The following MLLT3 variants were observed in gnomAD, a reference collection of about 807,000 sequenced individuals.
MLLT3 encodes MLLT3 super elongation complex subunit, also known as protein AF-9.
A neutral mutation model predicts 53.2 loss-of-function variants in MLLT3; 4 were observed. The ratio of observed to expected loss-of-function variants is 0.08; its 90% CI spans 0.04 to 0.17. The LOEUF is 0.17. Ranked by LOEUF, MLLT3 falls within the 10% of genes least tolerant of loss-of-function variation. MLLT3 has a pLI of 1.00. For missense variants in MLLT3, 569 were observed against 684.0 expected, an observed-to-expected ratio of 0.83 and a Z score of 1.87; for synonymous variants, 283 against 230.6, an observed-to-expected ratio of 1.23 and a Z score of -2.06.
intron 2 of MLLT3, among the ~76,000 whole-genome samples, chr9:20,570,713 T>C (rs757151851): frequency 1.5e-4 from 22 of 150,890 alleles, no homozygotes; most frequent in Non-Finnish European, 7.4e-5. Flanking sequence ...AACTTTCAAA[T>C]TACTTAGAAA....
At chr9:20,353,943 A>G (rs1039849618) in intron 9 of MLLT3, among the ~76,000 whole-genome samples, 7 of 138,598 alleles carry the variant, frequency 5.1e-5, no homozygotes, top group African/African-American at 2.4e-4. Flanking sequence ...CATATTAACA[A>G]AGGCTACTTT....
chr9:20,545,430 A>G (rs1390775800), intron 2 of MLLT3, among the ~76,000 whole-genome samples: 2 of 152,156 alleles, frequency 1.3e-5, no homozygotes, highest in African/African-American at 4.8e-5. Context: ...CCATTGTTAG[A>G]TGGGTACAGA....
At chr9:20,371,831 G>A (rs1000075457) in intron 5 of MLLT3, among the ~76,000 whole-genome samples, 4 of 152,168 alleles carry the variant, frequency 2.6e-5, no homozygotes, top group African/African-American at 9.7e-5. Context: ...GGCTATAGGT[G>A]CCATAGATAG....
intron 2 of MLLT3, among the ~76,000 whole-genome samples, chr9:20,531,150 T>C (rs1224951220): frequency 1.3e-5 from 2 of 151,482 alleles, no homozygotes; most frequent in African/African-American, 4.9e-5. Context: ...TTTTTTTTTT[T>C]TGGAAACATA....
chr9:20,506,655 T>G (rs1245785507), intron 2 of MLLT3, among the ~76,000 whole-genome samples: 1 of 152,178 alleles, frequency 6.6e-6, no homozygotes, highest in Admixed American at 6.5e-5. Flanking sequence ...TTGGCACACA[T>G]AAATAGGTTA....
chr9:20,484,135 G>A (rs1217073435), intron 2 of MLLT3, among the ~76,000 whole-genome samples: 1 of 151,974 alleles, frequency 6.6e-6, no homozygotes, highest in Non-Finnish European at 1.5e-5. Context: ...TTATTTATGG[G>A]CACATGAACA....
At chr9:20,612,987 G>A (rs1820737436) in intron 2 of MLLT3, among the ~76,000 whole-genome samples, 1 of 152,110 alleles carries the variant, frequency 6.6e-6, no homozygotes, top group Non-Finnish European at 1.5e-5. Flanking sequence ...GCACAAAGAT[G>A]CTCACTGCAC....
intron 5 of MLLT3, among the ~76,000 whole-genome samples, chr9:20,386,882 T>G (rs540834036): frequency 7.2e-5 from 11 of 152,330 alleles, no homozygotes; most frequent in African/African-American, 2.4e-4. Context: ...TCCACTGCTC[T>G]CCAATATAGA....
rs138157197 is a variant in MLLT3 at position 20,480,898 on chromosome 9, A to G, written c.194-24112T>C. 3.4e-4 allele frequency among the ~76,000 whole-genome samples: 52 copies of G among 152,358 alleles called. 1 individual carries two copies. The East Asian group carries it at 9.3e-3, about 27-fold the overall frequency. On this transcript the variant is annotated intron_variant, in intron 2 of 10. Transcript: ENST00000380338. ...CTACAAACACAAAGATAGCTAGGTCAGAGGGACCTTATTCAAAGGAGAATA... is the reference window on the plus strand; with the variant it reads ...CTACAAACACAAAGATAGCTAGGTCGGAGGGACCTTATTCAAAGGAGAATA...
chr9:20,419,774 G>A (rs554771752), intron 4 of MLLT3, among the ~76,000 whole-genome samples: 11 of 152,204 alleles, frequency 7.2e-5, no homozygotes, highest in South Asian at 4.1e-4. Context: ...CACTGTCCCC[G>A]CCAAAGGAAA....
At chr9:20,375,839 A>C (rs948356038) in intron 5 of MLLT3, among the ~76,000 whole-genome samples, 5 of 151,086 alleles carry the variant, frequency 3.3e-5, no homozygotes, top group Non-Finnish European at 7.4e-5. Flanking sequence ...CCATCTCCTG[A>C]CCTCGTGATC....
chr9:20,451,400 G>T (rs1823835342), intron 3 of MLLT3, among the ~76,000 whole-genome samples: 1 of 152,128 alleles, frequency 6.6e-6, no homozygotes, highest in Non-Finnish European at 1.5e-5. Flanking sequence ...TAAAAAGAAT[G>T]AGGTAATATC....
intron 2 of MLLT3, among the ~76,000 whole-genome samples, chr9:20,457,767 T>C (rs1824008407): frequency 6.6e-6 from 1 of 152,258 alleles, no homozygotes; most frequent in Non-Finnish European, 1.5e-5. Flanking sequence ...GCAAGACTAT[T>C]AGGCAAGCTC....
At chr9:20,445,984 G>C (rs1260743912) in intron 4 of MLLT3, among the ~76,000 whole-genome samples, 1 of 152,124 alleles carries the variant, frequency 6.6e-6, no homozygotes, top group African/African-American at 2.4e-5. Flanking sequence ...AATGGTTAAA[G>C]CCAGGTATCA....
intron 2 of MLLT3, among the ~76,000 whole-genome samples, chr9:20,483,963 G>A (rs1186144130): frequency 6.6e-6 from 1 of 151,290 alleles, no homozygotes; most frequent in Non-Finnish European, 1.5e-5. Context: ...CGCCCGCCTT[G>A]GCCTCCCAAA....
intron 2 of MLLT3, among the ~76,000 whole-genome samples, chr9:20,499,184 C>G (rs1825156751): frequency 6.6e-6 from 1 of 152,174 alleles, no homozygotes; most frequent in African/African-American, 2.4e-5. Context: ...CTCATAAAGA[C>G]AGCAGTCACT....
At chr9:20,549,473 AG>A (rs34908668) in intron 2 of MLLT3, among the ~76,000 whole-genome samples, 66,086 of 152,058 alleles carry the variant, frequency 0.43, 15,040 homozygotes, top group East Asian at 0.64. Context: ...ACTCCGTGCC[AG>A]GAACTGTCCT....
intron 8 of MLLT3, among the ~76,000 whole-genome samples, chr9:20,355,834 G>A (rs1380874798): frequency 1.3e-5 from 2 of 152,158 alleles, no homozygotes; most frequent in Non-Finnish European, 2.9e-5. Context: ...ATCTTAAGAG[G>A]TTTTATATTC....
chr9:20,543,729 G>C (rs1262528575), intron 2 of MLLT3, among the ~76,000 whole-genome samples: 1 of 151,014 alleles, frequency 6.6e-6, no homozygotes, highest in Admixed American at 6.6e-5. Flanking sequence ...GGAGGAAGGA[G>C]GAAGGAGGAG....
Sources: gnomAD v4.1 joint callset for allele counts (sites outside exome capture counted in the v4.1 genomes callset) on GRCh38, gnomAD v4.1.1 for gene constraint, MANE v1.5 for transcripts, NCBI Gene and HGNC (gene_info 2026-07-23, HGNC 2026-07-21) for gene names.